Variants in CNTNAP2 observed in about 807,000 individuals in gnomAD.
The protein encoded by CNTNAP2 is contactin-associated protein-like 2.
CNTNAP2 carries 98 observed loss-of-function variants against 155.2 expected under a neutral mutation model. That is an observed-to-expected ratio of 0.63 (90% CI 0.54 to 0.75). CNTNAP2 has a LOEUF of 0.75. Ranked by LOEUF, CNTNAP2 falls within the 30% of genes least tolerant of loss-of-function variation. CNTNAP2 has a pLI of 0.00. For synonymous variants in CNTNAP2, 651 were observed against 631.2 expected, an observed-to-expected ratio of 1.03 and a Z score of -0.47; for missense variants, 1,727 against 1,688.1, an observed-to-expected ratio of 1.02 and a Z score of -0.40.
intron 12 of CNTNAP2, among the ~76,000 whole-genome samples, chr7:147,569,506 A>G (rs758618490): frequency 3.3e-5 from 5 of 152,164 alleles, no homozygotes; most frequent in Non-Finnish European, 5.9e-5. Flanking sequence ...CACCTTTTCT[A>G]TGTGTAGATA....
chr7:146,722,376 T>C (rs142090921), intron 1 of CNTNAP2, among the ~76,000 whole-genome samples: 25 of 152,216 alleles, frequency 1.6e-4, no homozygotes, highest in African/African-American at 5.8e-4. Context: ...ATGCAGGCAA[T>C]TAGTAATTAA....
At chr7:146,368,981 A>G (rs1795193389) in intron 1 of CNTNAP2, among the ~76,000 whole-genome samples, 1 of 148,558 alleles carries the variant, frequency 6.7e-6, no homozygotes, top group Non-Finnish European at 1.5e-5. Context: ...TTTCCTATGA[A>G]ATATATTTTT....
At chr7:146,457,277 A>G (rs543993139) in intron 1 of CNTNAP2, among the ~76,000 whole-genome samples, 195 of 151,920 alleles carry the variant, frequency 1.3e-3, no homozygotes, top group African/African-American at 4.4e-3. Flanking sequence ...AGTGATGGAC[A>G]TATGAGGTAC....
Position 147,709,560 on chromosome 7 carries a change from G to A in CNTNAP2, c.2098+70254G>A, listed in dbSNP as rs188987332. 2.5e-3 allele frequency among the ~76,000 whole-genome samples: 381 copies of A among 152,286 alleles called. 1 individual carries two copies. The highest frequency in any genetic ancestry group is 8.7e-3 in the African/African-American group (362 of 41,568). On this transcript the variant is annotated intron_variant, in intron 13 of 23. Coordinates refer to ENST00000361727, the MANE Select transcript of CNTNAP2 (RefSeq NM_014141.6). Reference sequence around the variant, plus strand: ...ATATGAGAAATAGCACTTAGATTGGGTTTATTCTAGAAGAAAGGACACCTC... The same window carrying A: ...ATATGAGAAATAGCACTTAGATTGGATTTATTCTAGAAGAAAGGACACCTC...
At chr7:146,533,265 G>A (rs555462831) in intron 1 of CNTNAP2, among the ~76,000 whole-genome samples, 37 of 152,214 alleles carry the variant, frequency 2.4e-4, no homozygotes, top group African/African-American at 8.9e-4. Context: ...ATGCAAGTGG[G>A]AAATTTGAAG....
At chr7:147,453,134 G>A (rs1025525417) in intron 10 of CNTNAP2, among the ~76,000 whole-genome samples, 1 of 152,140 alleles carries the variant, frequency 6.6e-6, no homozygotes, top group African/African-American at 2.4e-5. Context: ...TGCTGGCAAA[G>A]CCTGCTCCTC....
chr7:146,299,513 C>T (rs898870784), intron 1 of CNTNAP2, among the ~76,000 whole-genome samples: 4 of 152,050 alleles, frequency 2.6e-5, no homozygotes, highest in Non-Finnish European at 4.4e-5. Context: ...CCTCTGAATA[C>T]CTAGGACTAA....
chr7:147,337,408 G>C (rs73740603), intron 9 of CNTNAP2, among the ~76,000 whole-genome samples: 3,005 of 152,260 alleles, frequency 0.02, 98 homozygotes, highest in African/African-American at 0.069. Flanking sequence ...TGGGAACAGA[G>C]TTCCAGCCTG....
chr7:147,317,798 G>A (rs866175714), intron 9 of CNTNAP2, among the ~76,000 whole-genome samples: 14 of 85,330 alleles, frequency 1.6e-4, no homozygotes, highest in African/African-American at 7.2e-4. Flanking sequence ...GTGTGTGTGT[G>A]TATATGTATA....
At chr7:147,453,062 A>C (rs2116572300) in intron 10 of CNTNAP2, among the ~76,000 whole-genome samples, 1 of 152,178 alleles carries the variant, frequency 6.6e-6, no homozygotes, top group East Asian at 1.9e-4. Flanking sequence ...AGATGTGAGA[A>C]AGTAGAAAAG....
At chr7:146,948,725 C>T (rs924050929) in intron 3 of CNTNAP2, among the ~76,000 whole-genome samples, 1 of 152,148 alleles carries the variant, frequency 6.6e-6, no homozygotes, top group Non-Finnish European at 1.5e-5. Flanking sequence ...TAAATACATT[C>T]CTTGCAATTT....
chr7:148,013,286 C>T (rs1424871564), intron 15 of CNTNAP2: 1 of 152,194 alleles, frequency 6.6e-6, no homozygotes, highest in Non-Finnish European at 1.5e-5. Context: ...CACTAAACCT[C>T]TAAGTAAGCA....
chr7:146,609,984 G>A (rs914677024), intron 1 of CNTNAP2, among the ~76,000 whole-genome samples: 2 of 152,188 alleles, frequency 1.3e-5, no homozygotes, highest in African/African-American at 4.8e-5. Flanking sequence ...TGAGGGCAGA[G>A]CTCTGCAAGC....
At chr7:148,212,076 G>A (rs907994982) in intron 18 of CNTNAP2, among the ~76,000 whole-genome samples, 18 of 151,860 alleles carry the variant, frequency 1.2e-4, no homozygotes, top group Admixed American at 1.1e-3. Flanking sequence ...AGAGAAAGAT[G>A]AAGAGCAATT....
intron 9 of CNTNAP2, among the ~76,000 whole-genome samples, chr7:147,318,308 T>C (rs971935413): frequency 6.6e-6 from 1 of 151,914 alleles, no homozygotes; most frequent in Middle Eastern, 3.2e-3. Flanking sequence ...TGGGCATGGG[T>C]ACGCGCACCT....
intron 1 of CNTNAP2, among the ~76,000 whole-genome samples, chr7:146,331,316 A>T (rs868349581): frequency 5.8e-5 from 8 of 138,998 alleles, no homozygotes; most frequent in Admixed American, 2.8e-4. Flanking sequence ...AAAAAAAAAA[A>T]ATAAAAATAA....
At chr7:146,927,960 G>GTA (rs58609819) in intron 3 of CNTNAP2, among the ~76,000 whole-genome samples, 2,893 of 146,134 alleles carry the variant, frequency 0.02, 22 homozygotes, top group Middle Eastern at 0.026. Context: ...TAATGTGTGT[G>GTA]TATATATATA....
At chr7:146,342,028 C>A (rs1001914889) in intron 1 of CNTNAP2, among the ~76,000 whole-genome samples, 9 of 152,058 alleles carry the variant, frequency 5.9e-5, no homozygotes, top group Admixed American at 2.6e-4. Flanking sequence ...TTTATTTCAA[C>A]TGGATTGTTG....
In CNTNAP2 at chr7:148,057,950, CTTATTATTA is replaced by C. The variant is rs60012733; in HGVS notation, c.2384-60138_2384-60130del. Among the ~76,000 whole-genome samples, 1,262 of 142,738 alleles carry C rather than the reference CTTATTATTA, an allele frequency of 8.8e-3. 19 individuals are homozygous for C. The highest frequency in any genetic ancestry group is 0.025 in the African/African-American group (988 of 39,246). The allele number at this position is 142,738 out of a possible 152,430, so 93.6% of individuals were successfully genotyped here. The stretch of plus-strand genomic sequence containing the variant: ...GCTTCCTGCATGACTCAGCTTCCAG[CTTATTATTA>C]TTATTATTATTATTATTATTATTAT... On this transcript the variant is annotated intron_variant, in intron 15 of 23. Coordinates refer to ENST00000361727, the MANE Select transcript of CNTNAP2 (RefSeq NM_014141.6).
Sources: gnomAD v4.1 joint callset for allele counts (sites outside exome capture counted in the v4.1 genomes callset) on GRCh38, gnomAD v4.1.1 for gene constraint, MANE v1.5 for transcripts, NCBI Gene and HGNC (gene_info 2026-07-23, HGNC 2026-07-21) for gene names.